Variants in SMPD3 observed in about 807,000 individuals in gnomAD.
SMPD3 encodes nSMase-2.
Under a neutral mutation model 55.7 loss-of-function variants are expected in SMPD3, and 21 were observed. That is an observed-to-expected ratio of 0.38 (90% confidence interval 0.27 to 0.54). The LOEUF (loss-of-function observed/expected upper bound fraction) is 0.54, where lower values mean the gene tolerates loss of function less well. Ranked by LOEUF, SMPD3 falls within the 20% of genes least tolerant of loss-of-function variation. SMPD3 has a pLI of 0.80. For synonymous variants in SMPD3, 457 were observed against 404.3 expected (o/e 1.13, Z -1.56); for missense variants, 842 against 899.6 (o/e 0.94, Z 0.82).
chr16:68,375,542 C>T (rs898859063), intron 2 of SMPD3, among the ~76,000 whole-genome samples: 3 of 152,214 alleles, frequency 2.0e-5, no homozygotes, highest in South Asian at 2.1e-4. Context: ...ACTGCTCTCC[C>T]GTGTGGCGCA....
chr16:68,419,518 G>A (rs940616616), intron 1 of SMPD3, among the ~76,000 whole-genome samples: 2 of 152,198 alleles, frequency 1.3e-5, no homozygotes, highest in African/African-American at 4.8e-5. Context: ...GGCAGGATGG[G>A]GATGCAGCAT....
At chr16:68,365,119 C>T in intron 3 of SMPD3, 27 bp from the exon 4 acceptor site, 3 of 1,612,112 alleles carry the variant, frequency 1.9e-6, no homozygotes, top group Non-Finnish European at 1.7e-6. Flanking sequence ...TCAGTGCTGC[C>T]ACCTGCCAGT....
chr16:68,394,343 G>A (rs1045347408), intron 1 of SMPD3, among the ~76,000 whole-genome samples: 1 of 151,964 alleles, frequency 6.6e-6, no homozygotes, highest in African/African-American at 2.4e-5. Context: ...TTTCTTTGTT[G>A]TATTTGTTTC....
At chr16:68,374,323 A>G (rs895172564) in intron 2 of SMPD3, among the ~76,000 whole-genome samples, 2 of 152,250 alleles carry the variant, frequency 1.3e-5, no homozygotes, top group African/African-American at 4.8e-5. Context: ...CTAAAGGTGA[A>G]CTTGAGCTGG....
Position 68,439,512 on chromosome 16 carries a change from G to A in SMPD3, c.-269+8841C>T, listed in dbSNP as rs114427218. On this transcript the variant is annotated intron_variant, in intron 1 of 8. Transcript: ENST00000219334. ...GGTACTTGGTACCTGAAAGTCAGGGGCCTCCCAACAGAACCAGAGGTGAGC... is the reference window on the plus strand; with the variant it reads ...GGTACTTGGTACCTGAAAGTCAGGGACCTCCCAACAGAACCAGAGGTGAGC... Among the ~76,000 whole-genome samples, 570 of 152,292 alleles carry A rather than the reference G, an allele frequency of 3.7e-3. 3 individuals carry two copies. The highest frequency in any genetic ancestry group is 0.013 in the African/African-American group (551 of 41,540).
At chr16:68,377,501 G>A (rs1266142117) in intron 2 of SMPD3, among the ~76,000 whole-genome samples, 1 of 152,200 alleles carries the variant, frequency 6.6e-6, no homozygotes, top group African/African-American at 2.4e-5. Context: ...TATGACCTGA[G>A]GCATCACGGC....
At chr16:68,397,416 G>A (rs2090167303) in intron 1 of SMPD3, among the ~76,000 whole-genome samples, 2 of 152,202 alleles carry the variant, frequency 1.3e-5, no homozygotes, top group Non-Finnish European at 2.9e-5. Context: ...GCAGGAACCA[G>A]GTAGAGTTCT....
chr16:68,422,436 G>C (rs977021381), intron 1 of SMPD3, among the ~76,000 whole-genome samples: 2 of 152,124 alleles, frequency 1.3e-5, no homozygotes, highest in African/African-American at 4.8e-5. Context: ...GACGTATAAG[G>C]CCCCTGAGCA....
chr16:68,364,387 A>G (rs1465468), intron 5 of SMPD3: 177,997 of 239,004 alleles, frequency 0.74, 67,395 homozygotes, highest in African/African-American at 0.9. Flanking sequence ...CTTCCCTCTC[A>G]GGGTTGTTAA....
chr16:68,378,567 A>AC (rs993833640), intron 2 of SMPD3, among the ~76,000 whole-genome samples: 2 of 147,132 alleles, frequency 1.4e-5, no homozygotes, highest in Non-Finnish European at 3.0e-5. Flanking sequence ...TGACCTGCAC[A>AC]CCCCCCCACC....
At chr16:68,397,166 G>A (rs1390206506) in intron 1 of SMPD3, among the ~76,000 whole-genome samples, 4 of 152,160 alleles carry the variant, frequency 2.6e-5, no homozygotes, top group Non-Finnish European at 4.4e-5. Flanking sequence ...CATTTTGACC[G>A]ATGGGGCTCT....
At chr16:68,428,426 C>A (rs768586394) in intron 1 of SMPD3, among the ~76,000 whole-genome samples, 1 of 152,206 alleles carries the variant, frequency 6.6e-6, no homozygotes, top group African/African-American at 2.4e-5. Context: ...CGCTCCTGCC[C>A]CATTCTGCAG....
chr16:68,379,299 G>T (rs1368384151), intron 2 of SMPD3, among the ~76,000 whole-genome samples: 4 of 152,222 alleles, frequency 2.6e-5, no homozygotes, highest in Non-Finnish European at 5.9e-5. Flanking sequence ...GACATGCAGG[G>T]CCAGGTCGAC....
In SMPD3 at chr16:68,361,120, A is replaced by C; in HGVS notation, c.*86T>G. Reference sequence around the variant, plus strand: ...TCCCTGTCCCTGCCCTCCTCCCCCAAGCACCGGGCACTCGATGGAGGGGAC... The same window carrying C: ...TCCCTGTCCCTGCCCTCCTCCCCCACGCACCGGGCACTCGATGGAGGGGAC... On this transcript the variant is annotated 3_prime_UTR_variant, in exon 9 of 9. Transcript: ENST00000219334. The C allele has an allele frequency of 7.9e-7, 1 of 1,263,568 alleles. No homozygotes were observed. 78.3% of individuals were successfully genotyped at this position (1,263,568 alleles called of 1,614,324 possible).
intron 2 of SMPD3, among the ~76,000 whole-genome samples, chr16:68,381,540 C>T (rs368980495): frequency 2.0e-5 from 3 of 152,172 alleles, no homozygotes; most frequent in African/African-American, 4.8e-5. Context: ...GGTGGGATCA[C>T]GTGATGAGTT....
intron 3 of SMPD3, among the ~76,000 whole-genome samples, chr16:68,366,142 C>T (rs370258817): frequency 6.6e-6 from 1 of 152,246 alleles, no homozygotes; most frequent in African/African-American, 2.4e-5. Context: ...GACACACTGC[C>T]TCTCCCAGTT....
chr16:68,362,002 G>A (rs1430835414), intron 7 of SMPD3, among the ~76,000 whole-genome samples: 8 of 152,218 alleles, frequency 5.3e-5, no homozygotes. Flanking sequence ...GTCCGCCCCA[G>A]CCTGGCCAGC....
chr16:68,383,666 C>T (rs539804977), intron 2 of SMPD3, among the ~76,000 whole-genome samples: 7 of 152,286 alleles, frequency 4.6e-5, no homozygotes, highest in Admixed American at 6.5e-5. Context: ...CCTCCCTTCT[C>T]GGCTGATCCC....
rs559170091 is a variant in SMPD3 at position 68,437,660 on chromosome 16, T to C, written c.-269+10693A>G. Reference sequence around the variant, plus strand: ...AAACTCTTTACTCATCAAGAGACTCTCTCATAGCTGTGAAAGTTACCTCCT... The same window carrying C: ...AAACTCTTTACTCATCAAGAGACTCCCTCATAGCTGTGAAAGTTACCTCCT... On this transcript the variant is annotated intron_variant, in intron 1 of 8. Coordinates refer to ENST00000219334, the MANE Select transcript of SMPD3 (RefSeq NM_018667.4). 7.2e-5 allele frequency among the ~76,000 whole-genome samples: 11 copies of C among 152,328 alleles called. No individual in the cohort carries two copies. The East Asian group carries it at 1.5e-3, about 21-fold the overall frequency.
Sources: allele counts gnomAD v4.1 joint callset (sites outside exome capture counted in the v4.1 genomes callset), GRCh38; gene constraint gnomAD v4.1.1; transcripts MANE v1.5; gene names NCBI Gene and HGNC (gene_info 2026-07-23, HGNC 2026-07-21).